Variants in RLN2 observed in about 807,000 individuals in gnomAD.
RLN2 encodes the protein prorelaxin H2.
RLN2 carries 10 observed loss-of-function variants against 7.3 expected under a neutral mutation model. The ratio of observed to expected loss-of-function variants is 1.36; its 90% confidence interval spans 0.84 to 2.31. RLN2 has a LOEUF of 2.31. RLN2 is among the 30% of genes most tolerant of loss of function. The probability of loss-of-function intolerance (pLI) is 0.00; values close to 1 mark genes in which losing one functional copy is unlikely to be tolerated. For missense variants in RLN2, 298 were observed against 217.6 expected (o/e 1.37, Z -2.32); for synonymous variants, 103 against 82.3 (o/e 1.25, Z -1.36).
chr9:5,332,674 G>C, the RLN2 span, among the ~76,000 whole-genome samples: 9 of 151,092 alleles, frequency 6.0e-5, no homozygotes, highest in Non-Finnish European at 8.8e-5. Context: ...CTAAGCTGCA[G>C]TGCAATGGCG....
chr9:5,328,407 C>T, the RLN2 span, among the ~76,000 whole-genome samples: 1 of 151,948 alleles, frequency 6.6e-6, no homozygotes, highest in African/African-American at 2.4e-5. Flanking sequence ...AAATATGGGA[C>T]TATGTGAAAA....
rs1320862487 is a variant in RLN2, at chr9:5,304,524, A to G, written c.57T>C (p.Phe19=). 1 of 1,613,728 alleles carries G rather than the reference A, an allele frequency of 6.2e-7. No individual in the cohort carries two copies. The highest frequency in any genetic ancestry group is 1.3e-5 in the African/African-American group (1 of 74,802). ...TCCATGAGTCCGCGACTGCTCTGGA[A>G]AATTGGTTCAGTAGTAAACAGACTC... ...LLGVCLLLNQ[F]SRAVADSWME... Residue 19 remains phenylalanine, a synonymous_variant, in exon 1 of 2, where the codon TTT becomes TTC. Coordinates refer to ENST00000381627, the MANE Select transcript of RLN2 (RefSeq NM_134441.3).
chr9:5,336,153 C>A, the RLN2 span, among the ~76,000 whole-genome samples: 2 of 151,972 alleles, frequency 1.3e-5, no homozygotes, highest in Non-Finnish European at 2.9e-5. Flanking sequence ...AGAAGGAAAT[C>A]TCTGATGTTC....
At chr9:5,329,443 C>A in the RLN2 span, among the ~76,000 whole-genome samples, 1 of 150,562 alleles carries the variant, frequency 6.6e-6, no homozygotes, top group African/African-American at 2.4e-5. Flanking sequence ...AATACCCCAA[C>A]TAAAAGAGAC....
At chr9:5,314,533 G>A in the RLN2 span, among the ~76,000 whole-genome samples, 1 of 151,966 alleles carries the variant, frequency 6.6e-6, no homozygotes, top group South Asian at 2.1e-4. Context: ...CACATCTCAG[G>A]GATGAGATGA....
At chr9:5,331,158 C>G in the RLN2 span, among the ~76,000 whole-genome samples, 1 of 151,986 alleles carries the variant, frequency 6.6e-6, no homozygotes, top group African/African-American at 2.4e-5. Context: ...CAGCCAAATT[C>G]TACCAGAGGT....
At chr9:5,315,420 C>G in the RLN2 span, among the ~76,000 whole-genome samples, 1 of 148,668 alleles carries the variant, frequency 6.7e-6, no homozygotes, top group African/African-American at 2.5e-5. Flanking sequence ...AAAAAAAAAA[C>G]GAAAAGTGTG....
At chr9:5,307,343 G>A (rs1299381521), upstream of RLN2, among the ~76,000 whole-genome samples, 2 of 151,506 alleles carry the variant, frequency 1.3e-5, no homozygotes, top group Non-Finnish European at 2.9e-5. Context: ...ATATATATAT[G>A]TGCAAAATAC....
At chr9:5,333,884 T>G in the RLN2 span, among the ~76,000 whole-genome samples, 1 of 152,048 alleles carries the variant, frequency 6.6e-6, no homozygotes, top group Non-Finnish European at 1.5e-5. Flanking sequence ...TCAATAAATG[T>G]GATTCATCGC....
the RLN2 span, among the ~76,000 whole-genome samples, chr9:5,337,075 G>A: frequency 6.6e-6 from 1 of 151,998 alleles, no homozygotes; most frequent in Admixed American, 6.6e-5. Context: ...ATTCTAAACT[G>A]GAAATGACAG....
the RLN2 span, among the ~76,000 whole-genome samples, chr9:5,310,304 G>A: frequency 3.3e-5 from 5 of 152,036 alleles, no homozygotes; most frequent in East Asian, 1.9e-4. Flanking sequence ...ACAAAACCAC[G>A]AGATTCTTGT....
the RLN2 span, among the ~76,000 whole-genome samples, chr9:5,313,250 C>A: frequency 1.3e-5 from 2 of 151,952 alleles, no homozygotes; most frequent in East Asian, 1.9e-4. Context: ...TATATAGATT[C>A]TCTGATGTTG....
chr9:5,313,447 CTA>C, the RLN2 span, among the ~76,000 whole-genome samples: 1 of 151,958 alleles, frequency 6.6e-6, no homozygotes, highest in Non-Finnish European at 1.5e-5. Context: ...CTATTTCAAT[CTA>C]TGTGTATTCT....
the RLN2 span, among the ~76,000 whole-genome samples, chr9:5,321,485 A>G: frequency 6.6e-6 from 1 of 151,986 alleles, no homozygotes; most frequent in South Asian, 2.1e-4. Context: ...TGTCATTTTT[A>G]CTAAATGTAG....
chr9:5,306,382 T>C (rs1816252882), upstream of RLN2, among the ~76,000 whole-genome samples: 1 of 151,916 alleles, frequency 6.6e-6, no homozygotes, highest in African/African-American at 2.4e-5. Flanking sequence ...TGTCCAGGGA[T>C]ATTTTGATTT....
chr9:5,327,469 C>T, the RLN2 span, among the ~76,000 whole-genome samples: 1 of 152,004 alleles, frequency 6.6e-6, no homozygotes, highest in Non-Finnish European at 1.5e-5. Flanking sequence ...CCACCTCTAG[C>T]GGCAGGGCAT....
chr9:5,335,548 CATG>C, the RLN2 span: 1 of 1,612,076 alleles, frequency 6.2e-7, no homozygotes, highest in Non-Finnish European at 8.5e-7. Flanking sequence ...TGAATTCCAA[CATG>C]ATAATTATAG....
At chr9:5,307,636 C>A (rs542632168), upstream of RLN2, among the ~76,000 whole-genome samples, 1 of 152,124 alleles carries the variant, frequency 6.6e-6, no homozygotes, top group Non-Finnish European at 1.5e-5. Context: ...CTTTCTGCAT[C>A]TGGGGGTGCA....
the RLN2 span, among the ~76,000 whole-genome samples, chr9:5,328,353 G>A: frequency 0.025 from 3,834 of 151,988 alleles, 101 homozygotes; most frequent in Middle Eastern, 0.048. Flanking sequence ...GAGAAGACAA[G>A]ATTAGAGAAA....
Sources: allele counts gnomAD v4.1 joint callset (sites outside exome capture counted in the v4.1 genomes callset), GRCh38; gene constraint gnomAD v4.1.1; transcripts MANE v1.5; gene names NCBI Gene and HGNC (gene_info 2026-07-23, HGNC 2026-07-21).